Variants in UBE2E2 observed in about 807,000 individuals in gnomAD.
The protein encoded by UBE2E2 is ubiquitin-conjugating enzyme E2 E2.
In UBE2E2, 6 loss-of-function variants were observed where a neutral mutation model predicts 24.7. That is an observed-to-expected ratio of 0.24 (90% CI 0.13 to 0.48). The LOEUF is 0.48. Ranked by LOEUF, UBE2E2 falls within the 20% of genes least tolerant of loss-of-function variation. UBE2E2 has a pLI of 0.99. For synonymous variants in UBE2E2, 104 were observed against 83.6 expected, an observed-to-expected ratio of 1.24 and a Z score of -1.33; for missense variants, 169 against 245.0, an observed-to-expected ratio of 0.69 and a Z score of 2.07.
In UBE2E2 at chr3:23,542,408, TG is replaced by T. The variant is rs750293378; in HGVS notation, c.508+9712del. On this transcript the variant is annotated intron_variant, in intron 5 of 5. Transcript: ENST00000396703. ...AGTTTGTAAGTGAAAAATTACTATT[TG>T]GGGGAAGTTTTTGTTTGCTTCTTTG... 2.6e-5 allele frequency among the ~76,000 whole-genome samples: 4 copies of T among 152,296 alleles called. No individual in the cohort carries two copies. The East Asian group carries it at 7.7e-4, about 29-fold the overall frequency.
At chr3:23,519,774 T>A (rs1407704663) in intron 4 of UBE2E2, among the ~76,000 whole-genome samples, 1 of 152,186 alleles carries the variant, frequency 6.6e-6, no homozygotes, top group Admixed American at 6.6e-5. Flanking sequence ...CCTTGTGGGC[T>A]CAAGTGATCT....
At chr3:23,546,733 A>G (rs1695533146) in intron 5 of UBE2E2, among the ~76,000 whole-genome samples, 1 of 151,908 alleles carries the variant, frequency 6.6e-6, no homozygotes, top group Non-Finnish European at 1.5e-5. Flanking sequence ...TCAGCCTCCC[A>G]AATTGCTGGG....
chr3:23,216,367 TG>T (rs1254593084), intron 2 of UBE2E2, among the ~76,000 whole-genome samples: 1 of 152,156 alleles, frequency 6.6e-6, no homozygotes, highest in Non-Finnish European at 1.5e-5. Flanking sequence ...ATTCTTGTTT[TG>T]GTTTTTAAAG....
chr3:23,300,229 C>G (rs200602007), intron 3 of UBE2E2, among the ~76,000 whole-genome samples: 2 of 151,966 alleles, frequency 1.3e-5, no homozygotes, highest in East Asian at 1.9e-4. Flanking sequence ...GGTCTTGACT[C>G]TTTATCCAAT....
chr3:23,265,975 G>C (rs188273477), intron 3 of UBE2E2, among the ~76,000 whole-genome samples: 10 of 151,826 alleles, frequency 6.6e-5, no homozygotes, highest in African/African-American at 9.7e-5. Flanking sequence ...CAACCCCTGC[G>C]TTTTTTTGTT....
chr3:23,561,199 T>C (rs1480118078), intron 5 of UBE2E2, among the ~76,000 whole-genome samples: 4 of 152,184 alleles, frequency 2.6e-5, no homozygotes, highest in African/African-American at 9.7e-5. Flanking sequence ...GTTTTTATGG[T>C]TTTAGGTCTA....
chr3:23,487,829 C>G (rs1317503245), intron 3 of UBE2E2, among the ~76,000 whole-genome samples: 2 of 152,100 alleles, frequency 1.3e-5, no homozygotes, highest in African/African-American at 4.8e-5. Context: ...CTTCAACAAG[C>G]ATTTATTAAG....
intron 3 of UBE2E2, among the ~76,000 whole-genome samples, chr3:23,335,426 T>C (rs1366348441): frequency 6.6e-6 from 1 of 152,248 alleles, no homozygotes; most frequent in Admixed American, 6.5e-5. Flanking sequence ...ATTGCGGAGG[T>C]AGTAAAATAA....
At chr3:23,395,771 C>T (rs910169756) in intron 3 of UBE2E2, among the ~76,000 whole-genome samples, 1 of 152,134 alleles carries the variant, frequency 6.6e-6, no homozygotes, top group Non-Finnish European at 1.5e-5. Flanking sequence ...GGTATAAGTG[C>T]TCTCTGTTCT....
chr3:23,338,186 G>C (rs576281071), intron 3 of UBE2E2, among the ~76,000 whole-genome samples: 2 of 152,276 alleles, frequency 1.3e-5, no homozygotes, highest in South Asian at 2.1e-4. Flanking sequence ...TGCATTTTAT[G>C]ATCAAAATGT....
intron 3 of UBE2E2, among the ~76,000 whole-genome samples, chr3:23,326,834 C>A (rs1433533407): frequency 6.6e-6 from 1 of 152,190 alleles, no homozygotes; most frequent in South Asian, 2.1e-4. Flanking sequence ...TCCCCCCACC[C>A]CACCACAGGC....
At chr3:23,575,510 A>G (rs1696327569) in intron 5 of UBE2E2, among the ~76,000 whole-genome samples, 1 of 152,198 alleles carries the variant, frequency 6.6e-6, no homozygotes. Flanking sequence ...GACATGAACA[A>G]AATACTCACA....
intron 3 of UBE2E2, among the ~76,000 whole-genome samples, chr3:23,245,799 T>C (rs957967369): frequency 1.3e-5 from 2 of 152,216 alleles, no homozygotes; most frequent in Admixed American, 6.5e-5. Flanking sequence ...TTTTGTTTCC[T>C]CTTGACCTTT....
At chr3:23,531,641 T>C (rs1284228434) in intron 4 of UBE2E2, among the ~76,000 whole-genome samples, 2 of 152,214 alleles carry the variant, frequency 1.3e-5, no homozygotes, top group Non-Finnish European at 2.9e-5. Flanking sequence ...GGAAAAGGTT[T>C]CTAAATTACA....
intron 5 of UBE2E2, among the ~76,000 whole-genome samples, chr3:23,584,527 C>T (rs34882744): frequency 0.06 from 9,127 of 151,054 alleles, 449 homozygotes; most frequent in Non-Finnish European, 0.087. Context: ...TCAAAAAATG[C>T]GAAGAGGTAG....
At chr3:23,440,664 T>A (rs1019683552) in intron 3 of UBE2E2, among the ~76,000 whole-genome samples, 2 of 152,196 alleles carry the variant, frequency 1.3e-5, no homozygotes, top group African/African-American at 4.8e-5. Context: ...TAAAGTAAGA[T>A]CAGCCTAAAT....
intron 3 of UBE2E2, among the ~76,000 whole-genome samples, chr3:23,479,738 C>T (rs1268260102): frequency 6.6e-6 from 1 of 152,146 alleles, no homozygotes; most frequent in Admixed American, 6.5e-5. Context: ...TTGCAGGCAG[C>T]TTGTCCCAAT....
chr3:23,339,380 T>C (rs1279349175), intron 3 of UBE2E2, among the ~76,000 whole-genome samples: 1 of 152,062 alleles, frequency 6.6e-6, no homozygotes, highest in Non-Finnish European at 1.5e-5. Context: ...TTAACAAAAT[T>C]TGAATAAGGT....
chr3:23,227,940 C>T (rs1475010630), intron 3 of UBE2E2, among the ~76,000 whole-genome samples: 1 of 151,998 alleles, frequency 6.6e-6, no homozygotes, highest in African/African-American at 2.4e-5. Flanking sequence ...TTGCCTTTAC[C>T]TTGAGGCTGT....
Sources: gnomAD v4.1 joint callset for allele counts (sites outside exome capture counted in the v4.1 genomes callset) on GRCh38, gnomAD v4.1.1 for gene constraint, MANE v1.5 for transcripts, NCBI Gene and HGNC (gene_info 2026-07-23, HGNC 2026-07-21) for gene names.